The following MYO7A variants were observed in gnomAD, a reference collection of about 807,000 sequenced individuals.
The protein encoded by MYO7A is unconventional myosin-VIIa.
A neutral mutation model predicts 263.8 loss-of-function variants in MYO7A; 210 were observed. The ratio of observed to expected loss-of-function variants is 0.80; its 90% CI spans 0.71 to 0.89. MYO7A has a LOEUF of 0.89. MYO7A is among the 40% of genes least tolerant of loss of function. The pLI is 0.00. For synonymous variants in MYO7A, 1,239 were observed against 1,197.3 expected, an observed-to-expected ratio of 1.03 and a Z score of -0.72; for missense variants, 2,820 against 2,968.3, an observed-to-expected ratio of 0.95 and a Z score of 1.16.
At chr11:77,162,357 AG>A (rs1555069670) in intron 13 of MYO7A, 27 bp downstream of exon 13, 1 of 1,548,214 alleles carries the variant, frequency 6.5e-7, no homozygotes, top group Admixed American at 2.0e-5. Flanking sequence ...GCCGCCTCCC[AG>A]GGTCTTGGGT....
At chr11:77,185,720 G>T (rs543676531) in intron 27 of MYO7A, among the ~76,000 whole-genome samples, 1 of 152,310 alleles carries the variant, frequency 6.6e-6, no homozygotes, top group African/African-American at 2.4e-5. Context: ...GAATGGCACT[G>T]AGAATAGTGA....
intron 2 of MYO7A, among the ~76,000 whole-genome samples, chr11:77,131,051 C>T (rs557519989): frequency 1.3e-5 from 2 of 152,198 alleles, no homozygotes; most frequent in East Asian, 1.9e-4. Flanking sequence ...GACTGGAGGG[C>T]GGGGGGTGAC....
intron 8 of MYO7A, among the ~76,000 whole-genome samples, chr11:77,157,727 T>A (rs1952630837): frequency 1.3e-5 from 2 of 152,216 alleles, no homozygotes; most frequent in African/African-American, 4.8e-5. Flanking sequence ...AGCGTATATG[T>A]GTGTGTGCAT....
In MYO7A at chr11:77,138,114, G is replaced by C. The variant is rs991581747; in HGVS notation, c.19-4595G>C. Among the ~76,000 whole-genome samples the C allele has an allele frequency of 5.9e-5, 9 of 152,128 alleles. No homozygotes were observed. The highest frequency in any genetic ancestry group is 5.8e-4 in the East Asian group (3 of 5,168). ...GGGATTCCGGGCAAAGTGGGGCTGT[G>C]GGGGGTTCGGCCGAGACGGAGGGGG... On this transcript the variant is annotated intron_variant, in intron 2 of 48. Coordinates refer to ENST00000409709, the MANE Select transcript of MYO7A (RefSeq NM_000260.4). The surrounding 1 kb of genome is among the most constrained non-coding windows in gnomAD (Gnocchi z 4.9).
chr11:77,186,066 G>A (rs1955626527), intron 27 of MYO7A, among the ~76,000 whole-genome samples: 1 of 151,976 alleles, frequency 6.6e-6, no homozygotes, highest in South Asian at 2.1e-4. Context: ...GGGACTACAG[G>A]TGCCCACCAC....
rs1195850371 is a variant in MYO7A at position 77,150,780 on chromosome 11, T to C, written c.285+2830T>C. Among the ~76,000 whole-genome samples the C allele has an allele frequency of 3.3e-5, 5 of 152,228 alleles. No homozygotes were observed. In the East Asian group the frequency reaches 9.7e-4, roughly 29 times the overall value. ...CAGTGTCTCTTGGACTGGGGATCCA[T>C]GCTAAAGAACTGTGGGATTCAAAGA... is the stretch of plus-strand genomic sequence containing the variant. On this transcript the variant is annotated intron_variant, in intron 4 of 48. Transcript: ENST00000409709.
At chr11:77,181,288 C>A (rs1591377382) in intron 22 of MYO7A, 92 bp from the exon 23 acceptor site, 17 of 1,202,832 alleles carry the variant, frequency 1.4e-5, no homozygotes, top group Non-Finnish European at 1.8e-5. Context: ...GAGGCCCTGG[C>A]TGCTGCAGGG....
rs1002311077 is a variant in MYO7A, at chr11:77,201,736, C to T, written c.5043+98C>T. The T allele has an allele frequency of 8.6e-5, 112 of 1,299,760 alleles. No individual in the cohort carries two copies. In the African/African-American group the frequency reaches 1.2e-3, roughly 14 times the overall value. 80.5% of individuals were successfully genotyped at this position (1,299,760 alleles called of 1,614,324 possible). On this transcript the variant is annotated intron_variant, in intron 36 of 48. Coordinates refer to ENST00000409709, the MANE Select transcript of MYO7A (RefSeq NM_000260.4). ...ACAATAGGTTAACGGTCTAGTGCAT[C>T]TGTGAAGATGATCTTGGGATCTTAT...
chr11:77,194,381 C>T lies in MYO7A; in HGVS notation c.4180C>T (p.Gln1394Ter), dbSNP rs1235286507. The change falls in exon 32 of 49, where the codon CAG (glutamine) becomes TAG (stop). Residue 1394 changes from glutamine (Q) to a stop codon, truncating the protein, a stop_gained. Transcript: ENST00000409709. LOFTEE classifies it high-confidence loss of function. The stretch of plus-strand genomic sequence containing the variant: ...GGACGACCTGGCTGAGCTGGCCTCC[C>T]AGCAGTACTTTGTAGACTATGGCTC... ...KEDDLAELAS[Q>*]QYFVDYGSEM... 2 of 1,612,750 alleles carry T rather than the reference C, an allele frequency of 1.2e-6. No individual in the cohort carries two copies. The highest frequency in any genetic ancestry group is 1.3e-5 in the African/African-American group (1 of 75,036).
intron 45 of MYO7A, 57 bp downstream of exon 45, chr11:77,211,394 C>G (rs1018914470): frequency 3.1e-5 from 47 of 1,512,220 alleles, no homozygotes; most frequent in Middle Eastern, 3.6e-4. Context: ...TCGGGGCACC[C>G]CAGGGGCCAA....
chr11:77,130,560 G>A, intron 1 of MYO7A, 29 bp from the exon 2 acceptor site: 2 of 1,578,138 alleles, frequency 1.3e-6, no homozygotes, highest in African/African-American at 1.3e-5. Context: ...GGCCTGCCCA[G>A]AAGCATGACA....
rs1952514918 is a variant in MYO7A at position 77,156,842 on chromosome 11, A to G, written c.593-20A>G. ...GGGGCGGGAGCGGGCTTTGCCAGTG[A>G]CACCCTACTCACTCCGCAGCATTTG... is the stretch of plus-strand genomic sequence containing the variant. On this transcript the variant is annotated intron_variant, in intron 6 of 48. Transcript: ENST00000409709. 6.2e-7 allele frequency: 1 copy of G among 1,613,914 alleles called. No homozygotes were observed. The highest frequency in any genetic ancestry group is 2.2e-5 in the East Asian group (1 of 44,878).
chr11:77,191,776 T>A (rs1283873376), intron 30 of MYO7A, among the ~76,000 whole-genome samples: 5 of 152,234 alleles, frequency 3.3e-5, no homozygotes, highest in African/African-American at 4.8e-5. Context: ...TGCTCTTATG[T>A]TTCCAGGTAC....
At position 77,191,963 on chromosome 11, in the gene MYO7A, T is replaced by C; in HGVS notation, c.3925-88T>C. 3 of 1,220,854 alleles carry C rather than the reference T, an allele frequency of 2.5e-6. No homozygotes were observed. The South Asian group carries it at 4.3e-5, about 18-fold the overall frequency. The allele number at this position is 1,220,854 out of a possible 1,614,324, so 75.6% of individuals were successfully genotyped here. A position where few individuals can be genotyped will look rare whatever the true frequency, so the allele number is the denominator to read the frequency against. On this transcript the variant is annotated intron_variant, in intron 30 of 48. Coordinates refer to ENST00000409709, the MANE Select transcript of MYO7A (RefSeq NM_000260.4). ...CCTGCCCCTCGCTGGGCCTCCGTTTTCTGTCTGAACTGACCGTTGGCCCCG... is the reference window on the plus strand; with the variant it reads ...CCTGCCCCTCGCTGGGCCTCCGTTTCCTGTCTGAACTGACCGTTGGCCCCG...
At chr11:77,134,581 C>A (rs1468781748) in intron 2 of MYO7A, among the ~76,000 whole-genome samples, 3 of 152,114 alleles carry the variant, frequency 2.0e-5, no homozygotes, top group Non-Finnish European at 2.9e-5. Context: ...AGCCCTCCTG[C>A]CTCAGCCTCC....
chr11:77,172,810 G>A lies in MYO7A; in HGVS notation c.1860G>A (p.Leu620=). ...GCCAGTTCAAGCGGTCACTGGAGCT[G>A]CTGATGCGCACGCTGGGTGCCTGCC... is the stretch of plus-strand genomic sequence containing the variant. ...LSSQFKRSLE[L]LMRTLGACQP... is the part of the protein sequence containing the mutation. Residue 620 remains leucine, a synonymous_variant, in exon 16 of 49, where the codon CTG becomes CTA. Transcript: ENST00000409709. 6.4e-7 allele frequency: 1 copy of A among 1,555,342 alleles called. No homozygotes were observed. Among genetic ancestry groups the A allele is most frequent in the Non-Finnish European group, 8.7e-7 (1 of 1,149,446 alleles).
In MYO7A at chr11:77,194,477, A is replaced by C. The variant is rs1396643205; in HGVS notation, c.4276A>C (p.Lys1426Gln). Residue 1426 changes from lysine (K) to glutamine (Q), a missense_variant, in exon 32 of 49, where the codon AAG becomes CAG. Lys to Gln is a moderately conservative substitution (Grantham distance 53). Coordinates refer to ENST00000409709, the MANE Select transcript of MYO7A (RefSeq NM_000260.4). ...CCCCGACCGCGAGATCACGCCCCTG[A>C]AGACGCTGGAGAAGTGGGCCCAGCT... The part of the protein sequence containing the change: ...YIPDREITPL[K>Q]TLEKWAQLAI... 1.2e-6 allele frequency: 2 copies of C among 1,608,858 alleles called. No individual in the cohort carries two copies. Among genetic ancestry groups the C allele is most frequent in the Admixed American group, 1.7e-5 (1 of 59,414 alleles).
At chr11:77,130,685 C>T in intron 2 of MYO7A, 33 bp downstream of exon 2, 1 of 1,609,968 alleles carries the variant, frequency 6.2e-7, no homozygotes, top group South Asian at 1.1e-5. Flanking sequence ...GTGGCCTGTC[C>T]TCCCCAGGCC....
intron 3 of MYO7A, among the ~76,000 whole-genome samples, chr11:77,146,205 T>C (rs544421644): frequency 6.6e-6 from 1 of 152,248 alleles, no homozygotes; most frequent in African/African-American, 2.4e-5. Context: ...TTTGGGGACA[T>C]GAAACCCGTG....
Sources: allele counts gnomAD v4.1 joint callset (sites outside exome capture counted in the v4.1 genomes callset), GRCh38; gene constraint gnomAD v4.1.1; non-coding constraint Gnocchi (gnomAD v3.1); transcripts MANE v1.5; gene names NCBI Gene and HGNC (gene_info 2026-07-23, HGNC 2026-07-21).